The following PDCD10 variants were observed in gnomAD, a reference collection of about 807,000 sequenced individuals.
PDCD10 encodes programmed cell death 10, also known as programmed cell death protein 10.
In PDCD10, 4 loss-of-function variants were observed where a neutral mutation model predicts 29.2. That is an observed-to-expected ratio of 0.14 (90% CI 0.07 to 0.31). The LOEUF (loss-of-function observed/expected upper bound fraction) is 0.31, where lower values mean the gene tolerates loss of function less well. Among genes scored for constraint, PDCD10 ranks in the 10% least tolerant of loss-of-function variants. PDCD10 has a pLI of 1.00. For missense variants in PDCD10, 183 were observed against 257.9 expected (o/e 0.71, Z 1.99); for synonymous variants, 70 against 82.2 (o/e 0.85, Z 0.80).
intron 3 of PDCD10, among the ~76,000 whole-genome samples, chr3:167,706,706 T>C (rs1443183009): frequency 2.0e-5 from 3 of 152,208 alleles, no homozygotes; most frequent in Admixed American, 6.5e-5. Flanking sequence ...CATATACCCA[T>C]AGGCCTTACA....
intron 2 of PDCD10, among the ~76,000 whole-genome samples, chr3:167,727,407 G>C (rs779399490): frequency 1.5e-4 from 23 of 152,088 alleles, no homozygotes; most frequent in Non-Finnish European, 2.5e-4. Context: ...TCTGATCTGA[G>C]TAAAATTTAA....
At chr3:167,692,636 A>AG (rs1313341279) in intron 6 of PDCD10, among the ~76,000 whole-genome samples, 3 of 152,216 alleles carry the variant, frequency 2.0e-5, no homozygotes, top group African/African-American at 7.2e-5. Context: ...CAAAACCCTT[A>AG]GGCCAGGCGT....
At chr3:167,733,904 G>A (rs1486309225) in intron 2 of PDCD10, among the ~76,000 whole-genome samples, 1 of 152,088 alleles carries the variant, frequency 6.6e-6, no homozygotes, top group Admixed American at 6.5e-5. Flanking sequence ...AGTTGAAACT[G>A]GCCATTTTTA....
At chr3:167,704,528 A>G (rs556834264) in intron 4 of PDCD10, 111 of 241,186 alleles carry the variant, frequency 4.6e-4, no homozygotes, top group Middle Eastern at 3.2e-3. Flanking sequence ...ACGCCCAGCC[A>G]TATAAGTTTT....
chr3:167,684,231 AG>A lies in PDCD10; in HGVS notation c.*76del. ...TTCAGGAGGGACTGATAATTTATACAGTCAAACTTTAAAATTTACAGATAAA... is the reference window on the plus strand; with the variant it reads ...TTCAGGAGGGACTGATAATTTATACATCAAACTTTAAAATTTACAGATAAA... On this transcript the variant is annotated 3_prime_UTR_variant, in exon 9 of 9. Transcript: ENST00000392750. 1 of 820,882 alleles carries A rather than the reference AG, an allele frequency of 1.2e-6. No homozygotes were observed. Among genetic ancestry groups the A allele is most frequent in the Admixed American group, 1.7e-5 (1 of 57,904 alleles). The allele number at this position is 820,882 out of a possible 1,614,324, so 50.8% of individuals were successfully genotyped here. A position where few individuals can be genotyped will look rare whatever the true frequency, so the allele number is the denominator to read the frequency against.
Position 167,684,339 on chromosome 3 carries a change from A to G in PDCD10, c.608T>C (p.Leu203Ser). The change falls in exon 9 of 9, where the codon TTA (leucine) becomes TCA (serine). Residue 203 changes from leucine (L) to serine (S), a missense_variant. By Grantham distance (145) the Leu-to-Ser change is moderately radical (BLOSUM62 -2). Coordinates refer to ENST00000392750, the MANE Select transcript of PDCD10 (RefSeq NM_007217.4). The part of the protein sequence containing the change: ...SANRLIHQTN[L>S]ILQTFKTVA Reference sequence around the variant, plus strand: ...CACAGTTTTGAAGGTCTGAAGTATTAAGTTGGTTTGATGAATTAGTCGGTT... The same window carrying G: ...CACAGTTTTGAAGGTCTGAAGTATTGAGTTGGTTTGATGAATTAGTCGGTT... 1 of 1,606,258 alleles carries G rather than the reference A, an allele frequency of 6.2e-7. No individual in the cohort carries two copies. The highest frequency in any genetic ancestry group is 8.5e-7 in the Non-Finnish European group (1 of 1,173,146).
intron 6 of PDCD10, among the ~76,000 whole-genome samples, chr3:167,693,271 TAC>T (rs961872627): frequency 6.6e-6 from 1 of 152,372 alleles, no homozygotes; most frequent in African/African-American, 2.4e-5. Context: ...TGAGGATCAG[TAC>T]ACAGACATTT....
At position 167,684,078 on chromosome 3, in the gene PDCD10, A is replaced by C; in HGVS notation, c.*230T>G. 2.3e-6 allele frequency: 1 copy of C among 427,972 alleles called. No homozygotes were observed. Among genetic ancestry groups the C allele is most frequent in the Non-Finnish European group, 4.3e-6 (1 of 232,164 alleles). The allele number at this position is 427,972 out of a possible 1,614,324, so 26.5% of individuals were successfully genotyped here. A position where few individuals can be genotyped will look rare whatever the true frequency, so the allele number is the denominator to read the frequency against. On this transcript the variant is annotated 3_prime_UTR_variant, in exon 9 of 9. Coordinates refer to ENST00000392750, the MANE Select transcript of PDCD10 (RefSeq NM_007217.4). ...AAGGCGTAAATTCTTTTGGCTTATA[A>C]TTCTTAAAAGAATGATAATAGCAAA...
intron 3 of PDCD10, among the ~76,000 whole-genome samples, chr3:167,717,111 A>T (rs1361261897): frequency 6.6e-6 from 1 of 152,058 alleles, no homozygotes; most frequent in Non-Finnish European, 1.5e-5. Context: ...TGAACTCCAC[A>T]GCAGCTGATT....
At position 167,692,230 on chromosome 3, in the gene PDCD10, A is replaced by G. The variant is rs1273153899; in HGVS notation, c.395+3366T>C. Among the ~76,000 whole-genome samples, 5 of 152,238 alleles carry G rather than the reference A, an allele frequency of 3.3e-5. No individual in the cohort carries two copies. The East Asian group carries it at 9.6e-4, about 29-fold the overall frequency. On this transcript the variant is annotated intron_variant, in intron 6 of 8. Transcript: ENST00000392750. ...TTACAGGCCAAACATGTTTACTTTA[A>G]CTATACAGGGCGAGTATCCCTTAAA...
At chr3:167,692,064 T>C (rs1720302667) in intron 6 of PDCD10, among the ~76,000 whole-genome samples, 1 of 152,232 alleles carries the variant, frequency 6.6e-6, no homozygotes, top group Admixed American at 6.5e-5. Flanking sequence ...ATTTTAAATG[T>C]CAAATCTTCA....
chr3:167,716,823 A>T (rs896149295), intron 3 of PDCD10, among the ~76,000 whole-genome samples: 2 of 151,998 alleles, frequency 1.3e-5, no homozygotes, highest in Non-Finnish European at 2.9e-5. Context: ...ATTTAGTTGC[A>T]AAATTGTTTA....
At chr3:167,723,450 T>C (rs545347128) in intron 2 of PDCD10, among the ~76,000 whole-genome samples, 1 of 152,284 alleles carries the variant, frequency 6.6e-6, no homozygotes, top group Non-Finnish European at 1.5e-5. Flanking sequence ...GTGCTGATTA[T>C]GCACATACAG....
In PDCD10 at chr3:167,686,132, T is replaced by TA. The variant is rs559702215; in HGVS notation, c.557+1101dup. The stretch of plus-strand genomic sequence containing the variant: ...TTACTTTTCTGACTTTAAGCACTGT[T>TA]AAAAAATAATCTTGTTCAAAAAATT... On this transcript the variant is annotated intron_variant, in intron 8 of 8. Coordinates refer to ENST00000392750, the MANE Select transcript of PDCD10 (RefSeq NM_007217.4). Among the ~76,000 whole-genome samples, 51 of 152,274 alleles carry TA rather than the reference T, an allele frequency of 3.3e-4. 1 individual carries two copies. The highest frequency in any genetic ancestry group is 3.4e-3 in the Middle Eastern group (1 of 294).
chr3:167,689,782 T>C (rs1720015763), intron 6 of PDCD10, among the ~76,000 whole-genome samples: 1 of 152,206 alleles, frequency 6.6e-6, no homozygotes, highest in African/African-American at 2.4e-5. Context: ...CCAAGGCCAT[T>C]TATTCCTAAG....
At chr3:167,726,386 AC>A (rs1402488636) in intron 2 of PDCD10, among the ~76,000 whole-genome samples, 1 of 152,130 alleles carries the variant, frequency 6.6e-6, no homozygotes, top group Non-Finnish European at 1.5e-5. Context: ...GGCGTGAGCC[AC>A]TGTGCCTGGC....
At chr3:167,733,407 G>A (rs1725019083) in intron 2 of PDCD10, among the ~76,000 whole-genome samples, 1 of 152,182 alleles carries the variant, frequency 6.6e-6, no homozygotes, top group Non-Finnish European at 1.5e-5. Flanking sequence ...CTTTCTGCAA[G>A]ATATGAACTA....
intron 4 of PDCD10, among the ~76,000 whole-genome samples, chr3:167,703,093 T>G (rs955216965): frequency 4.6e-5 from 7 of 152,158 alleles, no homozygotes; most frequent in Admixed American, 1.3e-4. Context: ...GGACAGGGTC[T>G]TCTTCTCTCT....
At chr3:167,690,312 A>G (rs914998583) in intron 6 of PDCD10, among the ~76,000 whole-genome samples, 2 of 152,268 alleles carry the variant, frequency 1.3e-5, no homozygotes, top group African/African-American at 4.8e-5. Context: ...CATGATACGC[A>G]TTTATGCAAA....
Sources: allele counts gnomAD v4.1 joint callset (sites outside exome capture counted in the v4.1 genomes callset), GRCh38; gene constraint gnomAD v4.1.1; transcripts MANE v1.5; gene names NCBI Gene and HGNC (gene_info 2026-07-23, HGNC 2026-07-21).